EAF2: variants seen among roughly 807,000 people sequenced by gnomAD.
EAF2 encodes ELL associated factor 2.
In EAF2, 29 loss-of-function variants were observed where a neutral mutation model predicts 29.4. The observed-to-expected ratio is 0.99, with a 90% confidence interval of 0.73 to 1.35. The LOEUF (loss-of-function observed/expected upper bound fraction) is 1.35. EAF2 is among the 40% of genes most tolerant of loss of function. The probability of loss-of-function intolerance (pLI) is 0.00; values close to 1 mark genes in which losing one functional copy is unlikely to be tolerated. For synonymous variants in EAF2, 103 were observed against 102.5 expected (o/e 1.00, Z -0.03); for missense variants, 292 against 312.0 (o/e 0.94, Z 0.48).
At chr3:121,840,497 AAAAAAAAAAAAG>A (rs1245902677) in intron 1 of EAF2, among the ~76,000 whole-genome samples, 8 of 74,108 alleles carry the variant, frequency 1.1e-4, no homozygotes, top group East Asian at 7.4e-4. Flanking sequence ...CTAAAAAAAA[AAAAAAAAAAAAG>A]AAAAAAAAAA....
intron 1 of EAF2, 38 bp downstream of exon 1, chr3:121,835,429 C>T: frequency 6.3e-7 from 1 of 1,581,706 alleles, no homozygotes; most frequent in Non-Finnish European, 8.7e-7. Context: ...GGGGAGCCTC[C>T]CGGGATGGGG....
intron 2 of EAF2, among the ~76,000 whole-genome samples, chr3:121,850,102 A>G (rs1187745267): frequency 2.0e-5 from 3 of 151,392 alleles, no homozygotes; most frequent in Non-Finnish European, 4.4e-5. Context: ...GACATTTTGT[A>G]TGAAGTATAT....
At chr3:121,868,256 T>G (rs1708957246) in intron 4 of EAF2, among the ~76,000 whole-genome samples, 1 of 152,172 alleles carries the variant, frequency 6.6e-6, no homozygotes, top group Non-Finnish European at 1.5e-5. Flanking sequence ...AACATTAATT[T>G]TAAAAAGCAC....
At chr3:121,842,513 AT>A (rs1708455041) in intron 1 of EAF2, among the ~76,000 whole-genome samples, 1 of 152,116 alleles carries the variant, frequency 6.6e-6, no homozygotes, top group African/African-American at 2.4e-5. Context: ...AAGGAACTTA[AT>A]TTTTTTCCAC....
intron 2 of EAF2, 106 bp downstream of exon 2, chr3:121,844,653 A>C: frequency 1.4e-6 from 1 of 690,534 alleles, no homozygotes; most frequent in East Asian, 3.2e-5. Flanking sequence ...TAAAGTAATT[A>C]GTAAGCACAG....
intron 4 of EAF2, among the ~76,000 whole-genome samples, chr3:121,868,856 C>CA (rs1708966792): frequency 6.6e-6 from 1 of 152,182 alleles, no homozygotes; most frequent in Non-Finnish European, 1.5e-5. Context: ...CTGAGTAACA[C>CA]AATCAACCCA....
At chr3:121,859,012 A>C (rs751823148) in intron 4 of EAF2, among the ~76,000 whole-genome samples, 11 of 152,052 alleles carry the variant, frequency 7.2e-5, no homozygotes, top group African/African-American at 1.9e-4. Flanking sequence ...AGCCTCTGTT[A>C]TGTTCCATTG....
At chr3:121,861,524 T>C (rs1559824463) in intron 4 of EAF2, among the ~76,000 whole-genome samples, 2 of 152,152 alleles carry the variant, frequency 1.3e-5, no homozygotes, top group African/African-American at 2.4e-5. Flanking sequence ...ATTTGCGTGG[T>C]AGATCTTCCT....
At chr3:121,842,072 T>C (rs1708444929) in intron 1 of EAF2, among the ~76,000 whole-genome samples, 1 of 152,032 alleles carries the variant, frequency 6.6e-6, no homozygotes, top group South Asian at 2.1e-4. Flanking sequence ...TAATCCCAGC[T>C]ACTCAGGAAA....
At chr3:121,863,780 A>G (rs1375608797) in intron 4 of EAF2, among the ~76,000 whole-genome samples, 4 of 151,988 alleles carry the variant, frequency 2.6e-5, no homozygotes, top group Non-Finnish European at 5.9e-5. Context: ...TGCGTGGCTC[A>G]TGGTGGGAGC....
intron 4 of EAF2, among the ~76,000 whole-genome samples, chr3:121,864,120 G>C (rs1708882918): frequency 6.6e-6 from 1 of 152,168 alleles, no homozygotes; most frequent in Non-Finnish European, 1.5e-5. Flanking sequence ...CAGTCCTTTT[G>C]TAAGTAAGAA....
intron 4 of EAF2, among the ~76,000 whole-genome samples, chr3:121,857,924 G>T (rs1220088698): frequency 6.6e-6 from 1 of 152,122 alleles, no homozygotes. Context: ...GTGGTGTTTG[G>T]TTTTCTGTCC....
intron 2 of EAF2, among the ~76,000 whole-genome samples, chr3:121,845,130 G>A (rs1457185035): frequency 1.2e-4 from 18 of 152,292 alleles, no homozygotes; most frequent in African/African-American, 2.9e-4. Context: ...GTGACTTTAC[G>A]TAGTAAATCA....
intron 2 of EAF2, among the ~76,000 whole-genome samples, chr3:121,852,623 T>C (rs772573781): frequency 3.3e-5 from 5 of 152,202 alleles, no homozygotes; most frequent in Non-Finnish European, 7.4e-5. Context: ...AACCTACCCA[T>C]CTTTTATGGC....
At chr3:121,836,535 A>C (rs1708290937) in intron 1 of EAF2, 1 of 723,414 alleles carries the variant, frequency 1.4e-6, no homozygotes, top group Non-Finnish European at 1.7e-6. Flanking sequence ...GTTTTTTTAA[A>C]GCAAAATTAA....
At chr3:121,870,435 G>A (rs1389503269) in intron 4 of EAF2, among the ~76,000 whole-genome samples, 1 of 152,130 alleles carries the variant, frequency 6.6e-6, no homozygotes, top group Non-Finnish European at 1.5e-5. Context: ...GTATCCAAAT[G>A]AATTTCAGAA....
chr3:121,844,351 A>C (rs1246643288), intron 1 of EAF2, 102 bp from the exon 2 acceptor site: 24 of 712,520 alleles, frequency 3.4e-5, no homozygotes, highest in Non-Finnish European at 5.7e-5. Flanking sequence ...TTTTAATTAC[A>C]AAGCTCTTGA....
At chr3:121,883,827 A>G (rs1709231106) in intron 5 of EAF2, among the ~76,000 whole-genome samples, 1 of 152,224 alleles carries the variant, frequency 6.6e-6, no homozygotes, top group Non-Finnish European at 1.5e-5. Context: ...GATTGAAAAC[A>G]TATTTTCTTT....
At chr3:121,865,723 C>T (rs985159717) in intron 4 of EAF2, among the ~76,000 whole-genome samples, 5 of 152,128 alleles carry the variant, frequency 3.3e-5, no homozygotes, top group Admixed American at 6.5e-5. Context: ...CTCCCCTACC[C>T]GGAGACAACT....
Sources: allele counts gnomAD v4.1 joint callset (sites outside exome capture counted in the v4.1 genomes callset), GRCh38; gene constraint gnomAD v4.1.1; transcripts MANE v1.5; gene names NCBI Gene and HGNC (gene_info 2026-07-23, HGNC 2026-07-21).